PLK5: variants seen among roughly 807,000 people sequenced by gnomAD.
PLK5 encodes the protein polo like kinase 5 (inactive).
PLK5 carries 28 observed loss-of-function variants against 33.7 expected under a neutral mutation model. The observed-to-expected ratio is 0.83, with a 90% CI of 0.62 to 1.14. The LOEUF is 1.14. Among genes scored for constraint, PLK5 ranks in the 50% most tolerant of loss-of-function variants. The probability of loss-of-function intolerance (pLI) is 0.00; values close to 1 mark genes in which losing one functional copy is unlikely to be tolerated. For synonymous variants in PLK5, 225 were observed against 202.2 expected, an observed-to-expected ratio of 1.11 and a Z score of -0.96; for missense variants, 492 against 461.5, an observed-to-expected ratio of 1.07 and a Z score of -0.61.
rs925174830 is a variant in PLK5, at chr19:1,529,463, C to T, written c.463C>T (p.Gln155Ter). ...CLEGPIHLVA[Q>*]GTLQSDLAGP... ...GGAAGGCCCCATCCACCTGGTCGCACAAGGGACCCTGCAGAGTGACCTGGC... is the reference window on the plus strand; with the variant it reads ...GGAAGGCCCCATCCACCTGGTCGCATAAGGGACCCTGCAGAGTGACCTGGC... Residue 155 changes from glutamine to a stop codon, truncating the protein, a stop_gained, in exon 10 of 14, where the codon CAA (glutamine) becomes TAA (stop). Transcript: ENST00000454744. LOFTEE classifies it high-confidence loss of function. The T allele has an allele frequency of 1.1e-5, 17 of 1,535,934 alleles. No individual in the cohort carries two copies. The South Asian group carries it at 1.2e-4, about 11-fold the overall frequency.
At position 1,528,919 on chromosome 19, in the gene PLK5, C is replaced by T. The variant is rs1415945706; in HGVS notation, c.350C>T (p.Ala117Val). 22 of 1,517,040 alleles carry T rather than the reference C, an allele frequency of 1.5e-5. No homozygotes were observed. Among genetic ancestry groups the T allele is most frequent in the Non-Finnish European group, 1.9e-5 (22 of 1,138,084 alleles). 94.0% of individuals were successfully genotyped at this position (1,517,040 alleles called of 1,614,324 possible). The change falls in exon 9 of 14, where the codon GCC becomes GTC. Residue 117 changes from alanine (A) to valine (V), a missense_variant. Coordinates refer to ENST00000454744, the MANE Select transcript of PLK5 (RefSeq NM_001243079.2). ...RPPCPFTPKE[A>V]SGPGEGGPDP... ...TCAGGCCCCTTCACGCCTAAAGAGG[C>T]CTCGGGTCCAGGAGAAGGTGGGCCA...
Position 1,535,349 on chromosome 19 carries a change from G to C in PLK5, c.*99G>C. The C allele has an allele frequency of 7.5e-6, 10 of 1,329,996 alleles. No individual in the cohort carries two copies. Among genetic ancestry groups the C allele is most frequent in the South Asian group, 1.4e-5 (1 of 71,692 alleles). The allele number at this position is 1,329,996 out of a possible 1,614,324, so 82.4% of individuals were successfully genotyped here. A position where few individuals can be genotyped will look rare whatever the true frequency, so the allele number is the denominator to read the frequency against. ...CCCCCAGAGGGGCTGTCCTGGGGGAGGGCTGGGGGGCACACGGGAGGTGGG... is the reference window on the plus strand; with the variant it reads ...CCCCCAGAGGGGCTGTCCTGGGGGACGGCTGGGGGGCACACGGGAGGTGGG... On this transcript the variant is annotated 3_prime_UTR_variant, in exon 14 of 14. Transcript: ENST00000454744.
intron 3 of PLK5, among the ~76,000 whole-genome samples, 169 bp from the exon 4 acceptor site, chr19:1,526,317 A>T (rs1599302559): frequency 6.8e-6 from 1 of 147,542 alleles, no homozygotes; most frequent in Non-Finnish European, 1.5e-5. Context: ...GCCCCCCCTC[A>T]GTGGCCACCT....
chr19:1,531,743 C>T lies in PLK5; in HGVS notation c.574C>T (p.Gln192Ter), dbSNP rs1599306614. Residue 192 changes from glutamine to a stop codon, truncating the protein, a stop_gained, in exon 12 of 14, where the codon CAG becomes TAG. Transcript: ENST00000454744. LOFTEE classifies it high-confidence loss of function. The part of the protein sequence containing the change: ...LCLDVGPPAT[Q>*]DPLGEQQPIL... ...ATACCTTTGTTTGTGCCCAGCCACA[C>T]AGGACCCCCTGGGAGAGCAGCAGCC... The T allele has an allele frequency of 2.0e-6, 3 of 1,536,758 alleles. No individual in the cohort carries two copies. The highest frequency in any genetic ancestry group is 4.9e-5 in the East Asian group (2 of 40,940).
chr19:1,533,866 G>A (rs1014163525), intron 12 of PLK5, 65 bp from the exon 13 acceptor site: 10 of 1,271,204 alleles, frequency 7.9e-6, no homozygotes, highest in African/African-American at 1.6e-5. Context: ...CTGGGGTGCT[G>A]GGTGTGGGGG....
chr19:1,526,530 AG>A lies in PLK5; in HGVS notation c.-267del, dbSNP rs570845664. ...GGGCGCGGCAGATCCTGACGGAGCCAGAAGTGCGCGACTACCTGCGGGGCCT... is the reference window on the plus strand; with the variant it reads ...GGGCGCGGCAGATCCTGACGGAGCCAAAGTGCGCGACTACCTGCGGGGCCT... On this transcript the variant is annotated 5_prime_UTR_variant, in exon 4 of 14. An upstream open reading frame in the 5' UTR gains an earlier in-frame stop. Coordinates refer to ENST00000454744, the MANE Select transcript of PLK5 (RefSeq NM_001243079.2). 1.2e-3 allele frequency: 352 copies of A among 286,850 alleles called. No individual in the cohort carries two copies. The highest frequency in any genetic ancestry group is 2.8e-3 in the Admixed American group (58 of 20,794). 17.8% of individuals were successfully genotyped at this position (286,850 alleles called of 1,614,324 possible). A position where few individuals can be genotyped will look rare whatever the true frequency, so the allele number is the denominator to read the frequency against.
In PLK5 at chr19:1,524,636, GGTGTT is replaced by G. The variant is rs1363008899; in HGVS notation, c.-544+397_-544+401del. On this transcript the variant is annotated intron_variant, in intron 1 of 13. Coordinates refer to ENST00000454744, the MANE Select transcript of PLK5 (RefSeq NM_001243079.2). This position sits in a 1 kb window ranked among gnomAD's most constrained non-coding sequence, Gnocchi z 4.5. Reference sequence around the variant, plus strand: ...GTGTGTGTGTGTGTGTGTGTGTCTGGGTGTTGTGTTGCTTGTTCACCTGTTGTTTG... The same window carrying G: ...GTGTGTGTGTGTGTGTGTGTGTCTGGGTGTTGCTTGTTCACCTGTTGTTTG... Among the ~76,000 whole-genome samples, 1 of 149,300 alleles carries G rather than the reference GGTGTT, an allele frequency of 6.7e-6. No individual in the cohort carries two copies. The highest frequency in any genetic ancestry group is 2.0e-4 in the East Asian group (1 of 5,084).
chr19:1,530,335 T>C (rs531231276), intron 11 of PLK5, among the ~76,000 whole-genome samples: 2 of 152,212 alleles, frequency 1.3e-5, no homozygotes, highest in African/African-American at 2.4e-5. Context: ...CTCACTCTGT[T>C]GCCTAGGCTG....
intron 13 of PLK5, among the ~76,000 whole-genome samples, chr19:1,534,828 A>T (rs1403354899): frequency 6.8e-6 from 1 of 146,802 alleles, no homozygotes; most frequent in African/African-American, 2.5e-5. Flanking sequence ...AAAAAAAAAA[A>T]AGTCAGGGTC....
chr19:1,528,108 C>G lies in PLK5; in HGVS notation c.175C>G (p.Leu59Val). ...NPAERPSLDH[L>V]LQDDFFTQGF... ...GGCCGAGCGGCCCAGCCTGGACCAC[C>G]TGCTGCAGGACGACTTCTTCACACA... Residue 59 changes from leucine to valine, a missense_variant, in exon 7 of 14, where the codon CTG becomes GTG. Physicochemically the swap from Leu to Val is conservative, Grantham distance 32. Coordinates refer to ENST00000454744, the MANE Select transcript of PLK5 (RefSeq NM_001243079.2). The G allele has an allele frequency of 6.5e-7, 1 of 1,535,852 alleles. No homozygotes were observed. Among genetic ancestry groups the G allele is most frequent in the South Asian group, 1.2e-5 (1 of 84,040 alleles).
intron 12 of PLK5, 38 bp downstream of exon 12, chr19:1,531,921 C>A: frequency 2.8e-6 from 4 of 1,422,162 alleles, no homozygotes; most frequent in Non-Finnish European, 3.7e-6. Flanking sequence ...GGACCAGGCA[C>A]TCCCCCTGCC....
intron 13 of PLK5, among the ~76,000 whole-genome samples, chr19:1,534,337 T>C (rs1386526636): frequency 6.6e-6 from 1 of 150,772 alleles, no homozygotes; most frequent in Admixed American, 6.6e-5. Flanking sequence ...TGAAACCCCA[T>C]CTCTACTAAA....
chr19:1,524,760 G>C lies in PLK5; in HGVS notation c.-544+514G>C, dbSNP rs748244662. Among the ~76,000 whole-genome samples, 1 of 150,396 alleles carries C rather than the reference G, an allele frequency of 6.6e-6. No homozygotes were observed. Among genetic ancestry groups the C allele is most frequent in the Non-Finnish European group, 1.5e-5 (1 of 67,986 alleles). On this transcript the variant is annotated intron_variant, in intron 1 of 13. Coordinates refer to ENST00000454744, the MANE Select transcript of PLK5 (RefSeq NM_001243079.2). This position sits in a 1 kb window ranked among gnomAD's most constrained non-coding sequence, Gnocchi z 4.5. Reference sequence around the variant, plus strand: ...TTGTGTGTTTGTGTGTTCATATGTGGTGTGTCTAGGAGTTGTGTGTTCATG... The same window carrying C: ...TTGTGTGTTTGTGTGTTCATATGTGCTGTGTCTAGGAGTTGTGTGTTCATG...
chr19:1,534,725 G>A (rs1914041921), intron 13 of PLK5, among the ~76,000 whole-genome samples: 2 of 151,314 alleles, frequency 1.3e-5, no homozygotes, highest in Non-Finnish European at 2.9e-5. Flanking sequence ...GCTGAGGCAG[G>A]AGAATGGCGT....
intron 6 of PLK5, 124 bp from the exon 7 acceptor site, chr19:1,527,812 T>C (rs1913784001): frequency 2.1e-6 from 2 of 974,032 alleles, no homozygotes; most frequent in Admixed American, 2.5e-5. Context: ...CAGGCGGATG[T>C]TGGGAGATGA....
chr19:1,527,768 G>C (rs969859713), intron 6 of PLK5, among the ~76,000 whole-genome samples, 168 bp from the exon 7 acceptor site: 3 of 152,014 alleles, frequency 2.0e-5, no homozygotes, highest in Non-Finnish European at 4.4e-5. Context: ...TGTCCACCAA[G>C]CAGCGTGCAT....
At chr19:1,528,606 C>T (rs375607822) in intron 8 of PLK5, among the ~76,000 whole-genome samples, 178 bp downstream of exon 8, 1 of 46,098 alleles carries the variant, frequency 2.2e-5, no homozygotes, top group East Asian at 5.6e-4. Flanking sequence ...CACCTGCCCA[C>T]GCCCCCCACC....
Position 1,531,879 on chromosome 19 carries a change from G to C in PLK5, c.710G>C (p.Arg237Pro). Residue 237 changes from arginine to proline, a missense_variant, in exon 12 of 14, where the codon CGG (arginine) becomes CCG (proline). By Grantham distance (103) the Arg-to-Pro change is moderately radical. Coordinates refer to ENST00000454744, the MANE Select transcript of PLK5 (RefSeq NM_001243079.2). ...CACCCACATGGCCCTGCGACCCCCC[G>C]GAGGGTAAGTTGTGGCCTCCTGTGC... ...GRHPHGPATP[R>P]REGTLPTPVP... 1.3e-6 allele frequency: 2 copies of C among 1,488,304 alleles called. No homozygotes were observed. Among genetic ancestry groups the C allele is most frequent in the Non-Finnish European group, 1.8e-6 (2 of 1,123,514 alleles). 92.2% of individuals were successfully genotyped at this position (1,488,304 alleles called of 1,614,324 possible). A position where few individuals can be genotyped will look rare whatever the true frequency, so the allele number is the denominator to read the frequency against.
At chr19:1,533,778 C>T in intron 12 of PLK5, 153 bp from the exon 13 acceptor site, 1 of 644,300 alleles carries the variant, frequency 1.6e-6, no homozygotes. Context: ...AGGGATGTGC[C>T]CGGCCTGCTG....
Sources: allele counts gnomAD v4.1 joint callset (sites outside exome capture counted in the v4.1 genomes callset), GRCh38; gene constraint gnomAD v4.1.1; non-coding constraint Gnocchi (gnomAD v3.1); transcripts MANE v1.5; gene names NCBI Gene and HGNC (gene_info 2026-07-23, HGNC 2026-07-21).